IGF2BP2: variants seen among roughly 807,000 people sequenced by gnomAD.
IGF2BP2 encodes insulin like growth factor 2 mRNA binding protein 2.
In IGF2BP2, 17 loss-of-function variants were observed where a neutral mutation model predicts 75.8. That is an observed-to-expected ratio of 0.22 (90% CI 0.15 to 0.34). The LOEUF (loss-of-function observed/expected upper bound fraction) is 0.34, where lower values mean the gene tolerates loss of function less well. Among genes scored for constraint, IGF2BP2 ranks in the 10% least tolerant of loss-of-function variants. The probability of loss-of-function intolerance (pLI) is 1.00; values close to 1 mark genes in which losing one functional copy is unlikely to be tolerated. For synonymous variants in IGF2BP2, 288 were observed against 295.6 expected (o/e 0.97, Z 0.26); for missense variants, 516 against 772.4 (o/e 0.67, Z 3.93).
rs1159382442 is a variant in IGF2BP2, at chr3:185,824,783, C to T, written c.178G>A (p.Gly60Ser). The change falls in exon 1 of 16, where the codon GGT becomes AGT. Residue 60 changes from glycine to serine, a missense_variant and splice_region_variant. Gly to Ser is a moderately conservative substitution (Grantham distance 56). Transcript: ENST00000382199. ...GGAGGGGGCCGCGCTGAGTGCTCAC[C>T]CGAGAGGGTCTCGATGGCGCGGATG... ...WAIRAIETLSGKVELHGKIME... is the reference protein window; with the variant it reads ...WAIRAIETLSSKVELHGKIME... The T allele has an allele frequency of 1.4e-6, 2 of 1,408,950 alleles. No individual in the cohort carries two copies. Among genetic ancestry groups the T allele is most frequent in the East Asian group, 3.0e-5 (1 of 32,886 alleles). The allele number at this position is 1,408,950 out of a possible 1,614,324, so 87.3% of individuals were successfully genotyped here. A position where few individuals can be genotyped will look rare whatever the true frequency, so the allele number is the denominator to read the frequency against.
intron 2 of IGF2BP2, among the ~76,000 whole-genome samples, chr3:185,809,844 A>T (rs1739559570): frequency 6.6e-6 from 1 of 152,196 alleles, no homozygotes; most frequent in Admixed American, 6.5e-5. Flanking sequence ...AAAATATTTC[A>T]TGAACAGCCA....
chr3:185,649,414 C>A lies in IGF2BP2; in HGVS notation c.1582G>T (p.Gly528Cys), dbSNP rs377684115. ...SSTAGRVIGKGGKTVNELQNL... is the reference protein window; with the variant it reads ...SSTAGRVIGKCGKTVNELQNL... The stretch of plus-strand genomic sequence containing the variant: ...CGGAGCACACTTACGGTCTTGCCAC[C>A]TTTGCCAATCACCCGGCCAGCTGTG... Residue 528 changes from glycine to cysteine, a missense_variant, in exon 14 of 16, where the codon GGT (glycine) becomes TGT (cysteine). Coordinates refer to ENST00000382199, the MANE Select transcript of IGF2BP2 (RefSeq NM_006548.6). 14 of 1,613,506 alleles carry A rather than the reference C, an allele frequency of 8.7e-6. No individual in the cohort carries two copies. Among genetic ancestry groups the A allele is most frequent in the Non-Finnish European group, 1.2e-5 (14 of 1,179,950 alleles).
chr3:185,784,353 T>C (rs1735598227), intron 2 of IGF2BP2, among the ~76,000 whole-genome samples: 1 of 152,240 alleles, frequency 6.6e-6, no homozygotes, highest in African/African-American at 2.4e-5. Context: ...CATCCTGCTC[T>C]GAAGAGAATT....
intron 2 of IGF2BP2, among the ~76,000 whole-genome samples, chr3:185,743,172 T>G (rs1490498570): frequency 4.0e-5 from 3 of 75,944 alleles, no homozygotes; most frequent in Non-Finnish European, 7.5e-5. Flanking sequence ...AATAATTACA[T>G]TTTTTTTTTT....
At chr3:185,788,951 G>A (rs1232540409) in intron 2 of IGF2BP2, among the ~76,000 whole-genome samples, 1 of 152,084 alleles carries the variant, frequency 6.6e-6, no homozygotes, top group Admixed American at 6.5e-5. Context: ...GACCTCAGGT[G>A]ATCTGCCTGC....
chr3:185,772,457 C>T (rs1734003824), intron 2 of IGF2BP2, among the ~76,000 whole-genome samples: 1 of 152,122 alleles, frequency 6.6e-6, no homozygotes. Context: ...TCTCATCTCT[C>T]CTTCACAAGT....
chr3:185,748,934 C>A (rs980481577), intron 2 of IGF2BP2, among the ~76,000 whole-genome samples: 1 of 152,208 alleles, frequency 6.6e-6, no homozygotes, highest in Non-Finnish European at 1.5e-5. Flanking sequence ...GAGGCCGAGG[C>A]AGGCTGATCA....
chr3:185,718,427 C>T (rs1725986038), intron 2 of IGF2BP2, among the ~76,000 whole-genome samples: 1 of 152,058 alleles, frequency 6.6e-6, no homozygotes, highest in Non-Finnish European at 1.5e-5. Flanking sequence ...GTGGCTCGCG[C>T]CTGTAATTCC....
chr3:185,742,942 T>C (rs1206296280), intron 2 of IGF2BP2, among the ~76,000 whole-genome samples: 2 of 151,672 alleles, frequency 1.3e-5, no homozygotes, highest in Non-Finnish European at 1.5e-5. Flanking sequence ...CTACTAAAAA[T>C]GCAAAAATTA....
At chr3:185,663,085 CA>C (rs1410440812) in intron 10 of IGF2BP2, among the ~76,000 whole-genome samples, 1 of 152,092 alleles carries the variant, frequency 6.6e-6, no homozygotes, top group Non-Finnish European at 1.5e-5. Flanking sequence ...GGCAATGACT[CA>C]AATAACTATT....
Position 185,698,365 on chromosome 3 carries a change from C to T in IGF2BP2, c.240-18G>A, listed in dbSNP as rs776037063. 3.7e-6 allele frequency: 6 copies of T among 1,610,354 alleles called. No individual in the cohort carries two copies. Among genetic ancestry groups the T allele is most frequent in the South Asian group, 3.3e-5 (3 of 90,968 alleles). On this transcript the variant is annotated intron_variant, in intron 2 of 15. Transcript: ENST00000382199. ...TCCTGCTCCTGTAAAGATAAAACCA[C>T]AGACTATAACACTTTCTCCAGGACA...
chr3:185,715,937 C>T (rs544173851), intron 2 of IGF2BP2, among the ~76,000 whole-genome samples: 41 of 152,300 alleles, frequency 2.7e-4, no homozygotes, highest in Admixed American at 2.0e-3. Flanking sequence ...TGAGCCACCA[C>T]GCCCAGCCTG....
At chr3:185,780,452 C>A (rs1334546758) in intron 2 of IGF2BP2, among the ~76,000 whole-genome samples, 1 of 152,122 alleles carries the variant, frequency 6.6e-6, no homozygotes, top group Non-Finnish European at 1.5e-5. Flanking sequence ...GAAAGATGGA[C>A]AGAAAATTTA....
chr3:185,710,385 G>GC (rs1454366659), intron 2 of IGF2BP2, among the ~76,000 whole-genome samples: 1 of 152,044 alleles, frequency 6.6e-6, no homozygotes, highest in Non-Finnish European at 1.5e-5. Flanking sequence ...CGCAGAGTCT[G>GC]CCCCTTGGCC....
At chr3:185,792,158 T>C (rs1039451956) in intron 2 of IGF2BP2, among the ~76,000 whole-genome samples, 10 of 152,162 alleles carry the variant, frequency 6.6e-5, no homozygotes, top group African/African-American at 1.4e-4. Flanking sequence ...CACAGACAAA[T>C]CATCAAGTTA....
intron 4 of IGF2BP2, among the ~76,000 whole-genome samples, chr3:185,695,919 C>T (rs1480422642): frequency 6.6e-6 from 1 of 152,168 alleles, no homozygotes; most frequent in East Asian, 1.9e-4. Context: ...TTCCAAGTAG[C>T]TGGGATTACA....
chr3:185,661,995 G>A (rs986406413), intron 10 of IGF2BP2, among the ~76,000 whole-genome samples: 1 of 152,136 alleles, frequency 6.6e-6, no homozygotes, highest in Non-Finnish European at 1.5e-5. Context: ...GGAGGGCAGT[G>A]TGGTGAATGT....
chr3:185,757,057 C>A (rs1022215389), intron 2 of IGF2BP2, among the ~76,000 whole-genome samples: 1 of 152,150 alleles, frequency 6.6e-6, no homozygotes, highest in African/African-American at 2.4e-5. Context: ...TGGTTCTAGC[C>A]GTATCTCTAT....
chr3:185,733,532 G>A (rs538571067), intron 2 of IGF2BP2, among the ~76,000 whole-genome samples: 9 of 152,172 alleles, frequency 5.9e-5, no homozygotes, highest in Admixed American at 1.3e-4. Flanking sequence ...CGAGGCAGGC[G>A]GATCACCTGA....
Sources: allele counts gnomAD v4.1 joint callset (sites outside exome capture counted in the v4.1 genomes callset), GRCh38; gene constraint gnomAD v4.1.1; transcripts MANE v1.5; gene names NCBI Gene and HGNC (gene_info 2026-07-23, HGNC 2026-07-21).